POLR3C: variants seen among roughly 807,000 people sequenced by gnomAD.
POLR3C encodes RNA polymerase III subunit C, also known as DNA-directed RNA polymerase III subunit RPC3.
A neutral mutation model predicts 65.9 loss-of-function variants in POLR3C; 44 were observed. The observed-to-expected ratio is 0.67, with a 90% CI of 0.52 to 0.86. The LOEUF (loss-of-function observed/expected upper bound fraction) is 0.86. Ranked by LOEUF, POLR3C falls within the 40% of genes least tolerant of loss-of-function variation. The pLI, the probability that POLR3C is intolerant of heterozygous loss-of-function variation, is 0.00. For missense variants in POLR3C, 576 were observed against 653.2 expected, an observed-to-expected ratio of 0.88 and a Z score of 1.29; for synonymous variants, 263 against 231.6, an observed-to-expected ratio of 1.14 and a Z score of -1.23.
Position 145,824,257 on chromosome 1 carries a change from G to C in POLR3C, c.-133G>C, listed in dbSNP as rs1650502922. On this transcript the variant is annotated 5_prime_UTR_variant, in exon 1 of 15. Coordinates refer to ENST00000334163, the MANE Select transcript of POLR3C (RefSeq NM_006468.8). ...TTCTTCGGTGGCGATCCGCGTCCTA[G>C]AAAGGGCGGTGGGCTCCACCTCGGC... 1 of 270,746 alleles carries C rather than the reference G, an allele frequency of 3.7e-6. No homozygotes were observed. The highest frequency in any genetic ancestry group is 2.3e-5 in the African/African-American group (1 of 43,216). 16.8% of individuals were successfully genotyped at this position (270,746 alleles called of 1,614,324 possible).
rs587684533 is a variant in POLR3C at position 145,835,794 on chromosome 1, G to A, written c.877-700G>A. ...TCACTGTGTTGGCCAGGCTGGTCTCGAACTCCTGACATCAAGTGATCCTCC... is the reference window on the plus strand; with the variant it reads ...TCACTGTGTTGGCCAGGCTGGTCTCAAACTCCTGACATCAAGTGATCCTCC... On this transcript the variant is annotated intron_variant, in intron 7 of 14. Coordinates refer to ENST00000334163, the MANE Select transcript of POLR3C (RefSeq NM_006468.8). Among the ~76,000 whole-genome samples, 8 of 152,062 alleles carry A rather than the reference G, an allele frequency of 5.3e-5. No individual in the cohort carries two copies. The South Asian group carries it at 6.2e-4, about 12-fold the overall frequency.
chr1:145,827,381 C>G (rs1281650227), intron 4 of POLR3C, among the ~76,000 whole-genome samples: 1 of 152,138 alleles, frequency 6.6e-6, no homozygotes, highest in African/African-American at 2.4e-5. Flanking sequence ...CTTTGGGAGA[C>G]TGAGGCAGGC....
chr1:145,836,269 C>T (rs781844225), intron 7 of POLR3C, among the ~76,000 whole-genome samples: 2 of 151,952 alleles, frequency 1.3e-5, no homozygotes, highest in East Asian at 1.9e-4. Context: ...TACAGGCATG[C>T]GCCACCACGT....
rs1275081098 is a variant in POLR3C at position 145,842,182 on chromosome 1, G to A, written c.1524-157G>A. Among the ~76,000 whole-genome samples, 5 of 152,034 alleles carry A rather than the reference G, an allele frequency of 3.3e-5. 1 individual carries two copies. Among genetic ancestry groups the A allele is most frequent in the African/African-American group, 7.2e-5 (3 of 41,384 alleles). Reference sequence around the variant, plus strand: ...TGGTGTCTGGCACATAAAGATGCTCGGTAAATAGCAAAATGATCTACTGGT... The same window carrying A: ...TGGTGTCTGGCACATAAAGATGCTCAGTAAATAGCAAAATGATCTACTGGT... On this transcript the variant is annotated intron_variant, in intron 14 of 14. Coordinates refer to ENST00000334163, the MANE Select transcript of POLR3C (RefSeq NM_006468.8).
chr1:145,824,412 C>A, intron 1 of POLR3C, 43 bp downstream of exon 1: 1 of 538,144 alleles, frequency 1.9e-6, no homozygotes, highest in Non-Finnish European at 3.3e-6. Flanking sequence ...ACTGACTGGA[C>A]CAAGAGACCA....
At chr1:145,827,155 C>T (rs1650829583) in intron 4 of POLR3C, 150 bp downstream of exon 4, 1 of 679,922 alleles carries the variant, frequency 1.5e-6, no homozygotes, top group Non-Finnish European at 2.5e-6. Flanking sequence ...TGGTCTCTGC[C>T]ATGGGGCTTT....
intron 7 of POLR3C, among the ~76,000 whole-genome samples, chr1:145,834,447 G>T (rs927532809): frequency 2.6e-5 from 4 of 151,484 alleles, no homozygotes; most frequent in African/African-American, 7.3e-5. Context: ...CTGGTGGGTT[G>T]CCTGAGCTCA....
intron 7 of POLR3C, among the ~76,000 whole-genome samples, chr1:145,834,221 T>C (rs1161362544): frequency 6.6e-6 from 1 of 152,134 alleles, no homozygotes; most frequent in African/African-American, 2.4e-5. Flanking sequence ...AGTAAAAATA[T>C]GGTATGAAAA....
chr1:145,827,713 C>T (rs956187756), intron 4 of POLR3C, among the ~76,000 whole-genome samples: 9 of 145,862 alleles, frequency 6.2e-5, no homozygotes, highest in African/African-American at 1.3e-4. Flanking sequence ...GAGCCGAGAT[C>T]GTGCCACTGC....
intron 1 of POLR3C, among the ~76,000 whole-genome samples, chr1:145,824,795 C>A (rs898208591): frequency 1.8e-4 from 28 of 152,216 alleles, no homozygotes; most frequent in African/African-American, 5.8e-4. Context: ...CAGTCCTTTA[C>A]CTCCTAAATT....
At chr1:145,835,660 C>T (rs1427674255) in intron 7 of POLR3C, among the ~76,000 whole-genome samples, 1 of 151,510 alleles carries the variant, frequency 6.6e-6, no homozygotes, top group Non-Finnish European at 1.5e-5. Flanking sequence ...CTGCAACCTC[C>T]GCCTCCTGGG....
chr1:145,824,421 C>G (rs1375129871), intron 1 of POLR3C, 52 bp downstream of exon 1: 1 of 587,300 alleles, frequency 1.7e-6, no homozygotes, highest in East Asian at 6.7e-5. Context: ...ACCAAGAGAC[C>G]ACGTCCGAAA....
At chr1:145,831,139 T>TGTAA (rs1651276982) in intron 5 of POLR3C, among the ~76,000 whole-genome samples, 1 of 151,722 alleles carries the variant, frequency 6.6e-6, no homozygotes, top group Non-Finnish European at 1.5e-5. Flanking sequence ...TGTAGTTACC[T>TGTAA]GAAAACTTAC....
rs1012297858 is a variant in POLR3C at position 145,838,344 on chromosome 1, A to G, written c.1221+138A>G. ...ACAGAAAAACATGATTCACAGAGAC[A>G]TAGCGAGCACTTGGAGGATAATTTG... On this transcript the variant is annotated intron_variant, in intron 11 of 14. Transcript: ENST00000334163. 2.6e-5 allele frequency: 19 copies of G among 737,482 alleles called. No individual in the cohort carries two copies. In the African/African-American group the frequency reaches 2.8e-4, roughly 11 times the overall value. 45.7% of individuals were successfully genotyped at this position (737,482 alleles called of 1,614,324 possible). A position where few individuals can be genotyped will look rare whatever the true frequency, so the allele number is the denominator to read the frequency against.
Position 145,833,577 on chromosome 1 carries a change from A to G in POLR3C, c.871A>G (p.Asn291Asp), listed in dbSNP as rs1651532585. The G allele has an allele frequency of 6.3e-7, 1 of 1,596,160 alleles. No homozygotes were observed. The highest frequency in any genetic ancestry group is 8.6e-7 in the Non-Finnish European group (1 of 1,163,706). The change falls in exon 7 of 15, where the codon AAT (asparagine) becomes GAT (aspartate). Residue 291 changes from asparagine to aspartate, a missense_variant. Transcript: ENST00000334163. ...TCCCTTCACCCAGCCATTGTCTTCC[A>G]ATGAGGTGAGTTTCATGTTCTTGCA... ...SAPFTQPLSS[N>D]EIFRSLPVGY... is the part of the protein sequence containing the mutation.
chr1:145,825,283 G>T (rs1379492564), intron 1 of POLR3C, among the ~76,000 whole-genome samples: 6 of 151,706 alleles, frequency 4.0e-5, no homozygotes, highest in Non-Finnish European at 5.9e-5. Flanking sequence ...TAATTTTTTT[G>T]TGTGTTTTTA....
At chr1:145,824,614 G>T in intron 1 of POLR3C, 1 of 879,664 alleles carries the variant, frequency 1.1e-6, no homozygotes, top group Non-Finnish European at 1.6e-6. Context: ...GGAATTGGAA[G>T]AAATAAGTAA....
chr1:145,831,514 CAAAAA>C (rs57887653), intron 5 of POLR3C, among the ~76,000 whole-genome samples: 3 of 92,734 alleles, frequency 3.2e-5, no homozygotes, highest in African/African-American at 1.3e-4. Context: ...AACTCCATCT[CAAAAA>C]AAAAAAAAAA....
chr1:145,833,198 C>T (rs1228293416), intron 5 of POLR3C, 62 bp from the exon 6 acceptor site: 1 of 924,334 alleles, frequency 1.1e-6, no homozygotes, highest in Non-Finnish European at 1.7e-6. Context: ...ACCATTAAAT[C>T]CAAGCTCCTC....
Sources: allele counts gnomAD v4.1 joint callset (sites outside exome capture counted in the v4.1 genomes callset), GRCh38; gene constraint gnomAD v4.1.1; transcripts MANE v1.5; gene names NCBI Gene and HGNC (gene_info 2026-07-23, HGNC 2026-07-21).